ADA: variants seen among roughly 807,000 people sequenced by gnomAD.
The protein encoded by ADA is adenosine aminohydrolase.
Under a neutral mutation model 49.0 loss-of-function variants are expected in ADA, and 45 were observed. That is an observed-to-expected ratio of 0.92 (90% CI 0.72 to 1.18). ADA has a LOEUF of 1.18. Ranked by LOEUF, ADA falls within the 50% of genes most tolerant of loss-of-function variation. The probability of loss-of-function intolerance (pLI) is 0.00; values close to 1 mark genes in which losing one functional copy is unlikely to be tolerated. For synonymous variants in ADA, 173 were observed against 184.2 expected (o/e 0.94, Z 0.49); for missense variants, 445 against 472.5 (o/e 0.94, Z 0.54).
At chr20:44,648,823 G>A (rs2065616483) in intron 1 of ADA, among the ~76,000 whole-genome samples, 1 of 151,980 alleles carries the variant, frequency 6.6e-6, no homozygotes, top group Admixed American at 6.6e-5. Context: ...GTGCAGCATC[G>A]CAGGCCCCAA....
intron 2 of ADA, among the ~76,000 whole-genome samples, chr20:44,629,996 T>TC (rs60289623): frequency 0.063 from 9,096 of 144,076 alleles, 826 homozygotes; most frequent in African/African-American, 0.21. Context: ...AGCCTCAGTT[T>TC]CCCCCCCCTT....
At position 44,624,433 on chromosome 20, in the gene ADA, C is replaced by A. The variant is rs2065363351; in HGVS notation, c.479-104G>T. On this transcript the variant is annotated intron_variant, in intron 5 of 11. Coordinates refer to ENST00000372874, the MANE Select transcript of ADA (RefSeq NM_000022.4). Reference sequence around the variant, plus strand: ...CCAAACCCCCCATGGGAGGCCAGCACAAAACAGGGCTCAGTGTCTTCAAAT... The same window carrying A: ...CCAAACCCCCCATGGGAGGCCAGCAAAAAACAGGGCTCAGTGTCTTCAAAT... The A allele has an allele frequency of 2.0e-6, 3 of 1,487,946 alleles. No homozygotes were observed. The East Asian group carries it at 6.8e-5, about 34-fold the overall frequency. The allele number at this position is 1,487,946 out of a possible 1,614,324, so 92.2% of individuals were successfully genotyped here.
rs945437921 is a variant in ADA at position 44,623,216 on chromosome 20, C to A, written c.607-138G>T. ...GCATGGGGAAACCTGGTCTTTTACCCTCCAAGTCCTTATCTAAGTGGTAGC... is the reference window on the plus strand; with the variant it reads ...GCATGGGGAAACCTGGTCTTTTACCATCCAAGTCCTTATCTAAGTGGTAGC... On this transcript the variant is annotated intron_variant, in intron 6 of 11. Transcript: ENST00000372874. 2.1e-5 allele frequency: 27 copies of A among 1,271,020 alleles called. No homozygotes were observed. The African/African-American group carries it at 2.7e-4, about 13-fold the overall frequency. 78.7% of individuals were successfully genotyped at this position (1,271,020 alleles called of 1,614,324 possible).
chr20:44,622,533 C>T (rs760746989), intron 9 of ADA, 55 bp downstream of exon 9: 40 of 1,603,160 alleles, frequency 2.5e-5, no homozygotes, highest in Non-Finnish European at 3.2e-5. Context: ...AAAGTTTCTT[C>T]CCTCTTTGGC....
At chr20:44,625,930 C>T (rs1303016627) in intron 4 of ADA, among the ~76,000 whole-genome samples, 1 of 152,192 alleles carries the variant, frequency 6.6e-6, no homozygotes, top group South Asian at 2.1e-4. Context: ...GCCCTCCCCA[C>T]CCCCAGATGG....
chr20:44,623,307 T>C (rs368735344), intron 6 of ADA, among the ~76,000 whole-genome samples: 48 of 152,250 alleles, frequency 3.2e-4, no homozygotes, highest in Middle Eastern at 3.2e-3. Context: ...CATTATCTAA[T>C]ATTCACAACT....
intron 2 of ADA, among the ~76,000 whole-genome samples, chr20:44,632,320 T>C (rs2065440761): frequency 6.6e-6 from 1 of 152,056 alleles, no homozygotes; most frequent in African/African-American, 2.4e-5. Flanking sequence ...CAGGCTGGGC[T>C]TAGGAAGGGA....
intron 6 of ADA, 59 bp from the exon 7 acceptor site, chr20:44,623,137 C>G: frequency 6.2e-7 from 1 of 1,609,576 alleles, no homozygotes; most frequent in Non-Finnish European, 8.5e-7. Context: ...GCAGGCCCTG[C>G]CTTGACCATG....
intron 6 of ADA, 169 bp downstream of exon 6, chr20:44,624,033 A>G: frequency 7.3e-6 from 7 of 953,134 alleles, no homozygotes; most frequent in Non-Finnish European, 1.1e-5. Context: ...GGCATGAACC[A>G]CCACGCCTGG....
rs146792739 is a variant in ADA at position 44,624,080 on chromosome 20, C to G, written c.606+122G>C. 1,559 of 1,416,626 alleles carry G rather than the reference C, an allele frequency of 1.1e-3. 14 individuals are homozygous for G. The African/African-American group carries it at 0.019, about 17-fold the overall frequency. 87.8% of individuals were successfully genotyped at this position (1,416,626 alleles called of 1,614,324 possible). ...TCCAGTTCCAAGCCTTAAGACCCAA[C>G]AAAGACACACTTCAGAACTCAGGAG... On this transcript the variant is annotated intron_variant, in intron 6 of 11. Coordinates refer to ENST00000372874, the MANE Select transcript of ADA (RefSeq NM_000022.4).
intron 1 of ADA, among the ~76,000 whole-genome samples, chr20:44,644,151 T>C (rs987600807): frequency 8.1e-5 from 7 of 86,514 alleles, no homozygotes; most frequent in Non-Finnish European, 1.4e-4. Flanking sequence ...TCTGACTGGG[T>C]TTACCTTGGA....
intron 8 of ADA, 28 bp downstream of exon 8, chr20:44,622,801 G>A: frequency 6.2e-7 from 1 of 1,614,190 alleles, no homozygotes; most frequent in Non-Finnish European, 8.5e-7. Context: ...GCCGGGGATG[G>A]TTCCTCCCCA....
At chr20:44,633,432 A>G (rs1026054571) in intron 2 of ADA, among the ~76,000 whole-genome samples, 1 of 152,200 alleles carries the variant, frequency 6.6e-6, no homozygotes, top group Non-Finnish European at 1.5e-5. Context: ...TGGACTAAGC[A>G]AGGAGCCTTA....
chr20:44,626,323 G>A, intron 4 of ADA, 133 bp downstream of exon 4: 2 of 1,262,780 alleles, frequency 1.6e-6, no homozygotes, highest in Non-Finnish European at 2.3e-6. Flanking sequence ...TCTTTCTGAG[G>A]CCATGGACCA....
intron 1 of ADA, among the ~76,000 whole-genome samples, chr20:44,636,867 A>G (rs450043): frequency 0.98 from 148,701 of 152,248 alleles, 72,729 homozygotes; most frequent in East Asian, 1. Flanking sequence ...GTGCAGTGAC[A>G]TGATCTCCTC....
intron 1 of ADA, among the ~76,000 whole-genome samples, chr20:44,644,413 G>C (rs1165942441): frequency 2.0e-5 from 3 of 152,032 alleles, no homozygotes; most frequent in Admixed American, 6.5e-5. Context: ...AGCAATGCTG[G>C]GTGCTCTCCC....
intron 1 of ADA, among the ~76,000 whole-genome samples, chr20:44,637,786 T>C (rs1431052123): frequency 6.6e-6 from 1 of 152,182 alleles, no homozygotes; most frequent in Non-Finnish European, 1.5e-5. Flanking sequence ...CCTGAGGTCA[T>C]CCAGCTGGCA....
intron 2 of ADA, among the ~76,000 whole-genome samples, chr20:44,631,222 A>G (rs555724955): frequency 1.3e-5 from 2 of 152,232 alleles, no homozygotes; most frequent in African/African-American, 4.8e-5. Flanking sequence ...GAGTGCCCAG[A>G]GGGTACCACC....
intron 2 of ADA, among the ~76,000 whole-genome samples, chr20:44,635,082 T>C (rs1383730773): frequency 6.6e-6 from 1 of 152,200 alleles, no homozygotes; most frequent in Non-Finnish European, 1.5e-5. Flanking sequence ...AGACAGGAGA[T>C]AATATGTCCA....
Sources: allele counts gnomAD v4.1 joint callset (sites outside exome capture counted in the v4.1 genomes callset), GRCh38; gene constraint gnomAD v4.1.1; transcripts MANE v1.5; gene names NCBI Gene and HGNC (gene_info 2026-07-23, HGNC 2026-07-21).